IMMP2L: variants seen among roughly 807,000 people sequenced by gnomAD.
The protein encoded by IMMP2L is mitochondrial inner membrane protease subunit 2.
In IMMP2L, 18 loss-of-function variants were observed where a neutral mutation model predicts 19.3. The observed-to-expected ratio is 0.93, with a 90% CI of 0.64 to 1.38. The LOEUF is 1.38. Ranked by LOEUF, IMMP2L falls within the 40% of genes most tolerant of loss-of-function variation. The probability of loss-of-function intolerance (pLI) is 0.00; values close to 1 mark genes in which losing one functional copy is unlikely to be tolerated. For missense variants in IMMP2L, 233 were observed against 218.2 expected, an observed-to-expected ratio of 1.07 and a Z score of -0.43; for synonymous variants, 76 against 73.0, an observed-to-expected ratio of 1.04 and a Z score of -0.21.
intron 3 of IMMP2L, among the ~76,000 whole-genome samples, chr7:111,243,291 T>C (rs890928765): frequency 5.3e-5 from 8 of 152,030 alleles, no homozygotes; most frequent in African/African-American, 1.9e-4. Context: ...ACTAATTCTC[T>C]ATCTAAAACT....
chr7:111,421,612 G>C (rs575757855), intron 3 of IMMP2L, among the ~76,000 whole-genome samples: 6 of 151,612 alleles, frequency 4.0e-5, no homozygotes, highest in South Asian at 4.2e-4. Flanking sequence ...TGTAGATTCT[G>C]GATATTAGCC....
chr7:111,463,440 T>C (rs1334488173), intron 3 of IMMP2L, among the ~76,000 whole-genome samples: 1 of 152,098 alleles, frequency 6.6e-6, no homozygotes, highest in Non-Finnish European at 1.5e-5. Flanking sequence ...CATCCATGCT[T>C]CTTTAATTTC....
At chr7:110,779,374 CA>C (rs1421280025) in intron 5 of IMMP2L, among the ~76,000 whole-genome samples, 1 of 151,878 alleles carries the variant, frequency 6.6e-6, no homozygotes. Context: ...AGTAAGTTAT[CA>C]AAAAATACCA....
intron 5 of IMMP2L, among the ~76,000 whole-genome samples, chr7:110,828,598 A>C (rs966891289): frequency 6.6e-6 from 1 of 152,184 alleles, no homozygotes; most frequent in African/African-American, 2.4e-5. Flanking sequence ...ACTGGCAAAA[A>C]ATAAATGTGA....
At chr7:110,868,316 T>C (rs141212222) in intron 5 of IMMP2L, among the ~76,000 whole-genome samples, 3 of 152,182 alleles carry the variant, frequency 2.0e-5, no homozygotes, top group African/African-American at 4.8e-5. Flanking sequence ...AAAAGAGGCA[T>C]GAAATTTATA....
intron 3 of IMMP2L, among the ~76,000 whole-genome samples, chr7:111,459,942 A>T (rs1839995829): frequency 6.6e-6 from 1 of 152,172 alleles, no homozygotes; most frequent in South Asian, 2.1e-4. Context: ...GCTGACTTGG[A>T]AAATCAGAGA....
chr7:111,033,209 T>C (rs2129569272), intron 3 of IMMP2L, among the ~76,000 whole-genome samples: 1 of 152,304 alleles, frequency 6.6e-6, no homozygotes, highest in Non-Finnish European at 1.5e-5. Flanking sequence ...TGAATACATA[T>C]GACAAGTATA....
At chr7:111,251,901 A>G (rs1222289029) in intron 3 of IMMP2L, among the ~76,000 whole-genome samples, 3 of 151,990 alleles carry the variant, frequency 2.0e-5, no homozygotes, top group African/African-American at 4.8e-5. Flanking sequence ...GTTGAGGGGG[A>G]AAAAAACATA....
chr7:111,335,489 A>G (rs1300848163), intron 3 of IMMP2L, among the ~76,000 whole-genome samples: 1 of 152,186 alleles, frequency 6.6e-6, no homozygotes, highest in African/African-American at 2.4e-5. Context: ...GGTAAAAGTT[A>G]TCAACGTGAA....
chr7:111,380,451 T>C (rs750017996), intron 3 of IMMP2L, among the ~76,000 whole-genome samples: 19 of 151,990 alleles, frequency 1.3e-4, no homozygotes, highest in Non-Finnish European at 1.6e-4. Flanking sequence ...TAAATGGACA[T>C]GAAAGGACTA....
intron 2 of IMMP2L, among the ~76,000 whole-genome samples, chr7:111,490,396 G>A (rs566279629): frequency 6.6e-6 from 1 of 151,496 alleles, no homozygotes; most frequent in South Asian, 2.1e-4. Context: ...GAGATTACAG[G>A]TAGGAGCCAC....
At chr7:111,071,136 T>C (rs1794914274) in intron 3 of IMMP2L, among the ~76,000 whole-genome samples, 2 of 152,074 alleles carry the variant, frequency 1.3e-5, no homozygotes, top group Admixed American at 1.3e-4. Flanking sequence ...ACATAATTAG[T>C]CATTAGAGAA....
chr7:111,059,364 G>A (rs1793804124), intron 3 of IMMP2L, among the ~76,000 whole-genome samples: 1 of 152,174 alleles, frequency 6.6e-6, no homozygotes, highest in Non-Finnish European at 1.5e-5. Flanking sequence ...GAAATTAAGT[G>A]TATTGTTTAA....
chr7:110,956,541 C>T (rs1818373318), intron 4 of IMMP2L, among the ~76,000 whole-genome samples: 1 of 151,924 alleles, frequency 6.6e-6, no homozygotes, highest in African/African-American at 2.4e-5. Flanking sequence ...GTAGGGCAAC[C>T]ATTTGTTTCT....
At chr7:111,502,613 A>G (rs200541065) in intron 2 of IMMP2L, among the ~76,000 whole-genome samples, 1 of 152,122 alleles carries the variant, frequency 6.6e-6, no homozygotes, top group Non-Finnish European at 1.5e-5. Flanking sequence ...AAATTATAAC[A>G]AACTATCTCT....
At chr7:110,943,170 T>C (rs1816903715) in intron 4 of IMMP2L, among the ~76,000 whole-genome samples, 1 of 152,016 alleles carries the variant, frequency 6.6e-6, no homozygotes, top group Non-Finnish European at 1.5e-5. Flanking sequence ...CCAGCAATGC[T>C]GGCATGACTA....
At chr7:110,999,508 T>A (rs1823416397) in intron 3 of IMMP2L, among the ~76,000 whole-genome samples, 1 of 151,882 alleles carries the variant, frequency 6.6e-6, no homozygotes, top group African/African-American at 2.4e-5. Context: ...TCTCTAGTAG[T>A]ACTCTCTAGC....
chr7:110,736,577 C>A (rs11764173), intron 5 of IMMP2L, among the ~76,000 whole-genome samples: 50,238 of 152,098 alleles, frequency 0.33, 10,072 homozygotes, highest in East Asian at 0.69. Flanking sequence ...AACTTCCACC[C>A]CAGTATATCC....
chr7:111,471,422 C>G (rs1841259122), intron 3 of IMMP2L, among the ~76,000 whole-genome samples: 1 of 151,910 alleles, frequency 6.6e-6, no homozygotes, highest in South Asian at 2.1e-4. Context: ...ATAAAGATTC[C>G]ATAACTTTAG....
Sources: gnomAD v4.1 joint callset for allele counts (sites outside exome capture counted in the v4.1 genomes callset) on GRCh38, gnomAD v4.1.1 for gene constraint, MANE v1.5 for transcripts, NCBI Gene and HGNC (gene_info 2026-07-23, HGNC 2026-07-21) for gene names.